Variants in SASH1 observed in about 807,000 individuals in gnomAD.
The protein encoded by SASH1 is SAM and SH3 domain containing 1, also known as SAM and SH3 domain-containing protein 1.
SASH1 carries 44 observed loss-of-function variants against 125.2 expected under a neutral mutation model. The observed-to-expected ratio is 0.35, with a 90% CI of 0.28 to 0.45. The LOEUF (loss-of-function observed/expected upper bound fraction) is 0.45. Among genes scored for constraint, SASH1 ranks in the 20% least tolerant of loss-of-function variants. The pLI is 1.00. For synonymous variants in SASH1, 639 were observed against 649.1 expected (o/e 0.98, Z 0.24); for missense variants, 1,426 against 1,614.5 (o/e 0.88, Z 2.00).
At chr6:148,201,564 C>G in the SASH1 span, among the ~76,000 whole-genome samples, 1 of 152,170 alleles carries the variant, frequency 6.6e-6, no homozygotes, top group African/African-American at 2.4e-5. Flanking sequence ...TACTGCTGAT[C>G]TCGGGGCACA....
chr6:148,346,827 G>A (rs1161829937), intron 1 of SASH1, among the ~76,000 whole-genome samples: 1 of 152,214 alleles, frequency 6.6e-6, no homozygotes, highest in African/African-American at 2.4e-5. Flanking sequence ...ATGTTTATAA[G>A]CCCTGAGCTA....
At chr6:148,376,758 G>A (rs2114767410) in intron 1 of SASH1, among the ~76,000 whole-genome samples, 1 of 152,188 alleles carries the variant, frequency 6.6e-6, no homozygotes, top group South Asian at 2.1e-4. Context: ...CAGCTACTCG[G>A]GAGGCTGCCT....
intron 1 of SASH1, among the ~76,000 whole-genome samples, chr6:148,318,498 A>G (rs1780540438): frequency 1.3e-5 from 2 of 151,864 alleles, no homozygotes. Flanking sequence ...AAACATGGCC[A>G]TAGAACATTG....
intron 1 of SASH1, among the ~76,000 whole-genome samples, chr6:148,281,847 G>A (rs1343359799): frequency 1.1e-4 from 16 of 151,836 alleles, no homozygotes; most frequent in South Asian, 2.1e-4. Flanking sequence ...TGCTTGAACC[G>A]GGAGGTGGAG....
upstream of SASH1, among the ~76,000 whole-genome samples, chr6:148,269,882 G>A (rs936540351): frequency 6.6e-6 from 1 of 152,168 alleles, no homozygotes; most frequent in South Asian, 2.1e-4. Flanking sequence ...TAATTGTGAC[G>A]ATGGTCTTTG....
intron 10 of SASH1, among the ~76,000 whole-genome samples, chr6:148,524,113 A>T (rs1248436820): frequency 9.4e-4 from 58 of 61,806 alleles, no homozygotes; most frequent in African/African-American, 3.1e-3. Context: ...ATATATATAT[A>T]TATATATATT....
Position 148,519,254 on chromosome 6 carries a change from ATTGTGATTATGGC to A in SASH1, c.863-291_863-279del, listed in dbSNP as rs1780650645. Among the ~76,000 whole-genome samples the A allele has an allele frequency of 6.6e-6, 1 of 152,210 alleles. No homozygotes were observed. Among genetic ancestry groups the A allele is most frequent in the Non-Finnish European group, 1.5e-5 (1 of 68,030 alleles). On this transcript the variant is annotated intron_variant, in intron 9 of 19. Transcript: ENST00000367467. This position sits in a 1 kb window ranked among gnomAD's most constrained non-coding sequence, Gnocchi z 4.8. ...GCATTATCTCGAAATGCTAAGGCAT[ATTGTGATTATGGC>A]TAGCTTAGATTTTGCAAACGGCATT...
At chr6:148,435,710 A>G (rs112087005) in intron 2 of SASH1, among the ~76,000 whole-genome samples, 117 of 152,320 alleles carry the variant, frequency 7.7e-4, no homozygotes, top group Non-Finnish European at 1.4e-3. Flanking sequence ...GTAAAATGAG[A>G]TGAACATGAA....
chr6:148,275,044 T>G (rs761355210), intron 1 of SASH1, among the ~76,000 whole-genome samples: 1 of 152,176 alleles, frequency 6.6e-6, no homozygotes, highest in Non-Finnish European at 1.5e-5. Context: ...TTCAGAAGTT[T>G]TGTAAGCCAT....
chr6:148,535,702 A>G (rs895353346), intron 16 of SASH1, among the ~76,000 whole-genome samples: 2 of 152,196 alleles, frequency 1.3e-5, no homozygotes, highest in Non-Finnish European at 2.9e-5. Context: ...ACTCAGTCTT[A>G]TCTTGCTCTG....
chr6:148,273,415 T>C (rs1264424630), intron 1 of SASH1, among the ~76,000 whole-genome samples: 7 of 151,318 alleles, frequency 4.6e-5, no homozygotes, highest in African/African-American at 1.7e-4. Context: ...TGCCTTGGCC[T>C]CCTGAGTAGC....
intron 1 of SASH1, among the ~76,000 whole-genome samples, chr6:148,320,072 T>G (rs1222189547): frequency 1.3e-5 from 2 of 152,210 alleles, no homozygotes; most frequent in African/African-American, 4.8e-5. Context: ...TTGTTCTATT[T>G]TATCGTTAGT....
At chr6:148,261,101 G>A in the SASH1 span, among the ~76,000 whole-genome samples, 8 of 152,010 alleles carry the variant, frequency 5.3e-5, no homozygotes, top group African/African-American at 1.9e-4. Flanking sequence ...CACTGCGCCC[G>A]GCATAAGGGC....
At chr6:148,339,737 G>A (rs940860834), upstream of SASH1, among the ~76,000 whole-genome samples, 1 of 151,820 alleles carries the variant, frequency 6.6e-6, no homozygotes, top group East Asian at 1.9e-4. Context: ...TAGAGATGGG[G>A]TTTTGTCATG....
chr6:148,417,622 C>T (rs1383279757), intron 2 of SASH1, among the ~76,000 whole-genome samples: 1 of 124,308 alleles, frequency 8.0e-6, no homozygotes, highest in Non-Finnish European at 1.8e-5. Flanking sequence ...AGCATGTATC[C>T]CATAGTCAAA....
chr6:148,206,832 A>ACACACACAC, the SASH1 span, among the ~76,000 whole-genome samples: 2 of 84,662 alleles, frequency 2.4e-5, no homozygotes, highest in Non-Finnish European at 4.9e-5. Context: ...CACACACACA[A>ACACACACAC]ATTAACATAA....
intron 1 of SASH1, among the ~76,000 whole-genome samples, chr6:148,329,855 CT>C (rs141056302): frequency 1.3e-5 from 2 of 151,056 alleles, no homozygotes; most frequent in South Asian, 4.2e-4. Flanking sequence ...AGTTTTCTTT[CT>C]TTTTTTTTCA....
intron 2 of SASH1, among the ~76,000 whole-genome samples, chr6:148,421,126 AAAGGAAGGAAGGAAGG>A (rs148595857): frequency 7.3e-5 from 6 of 82,352 alleles, no homozygotes; most frequent in African/African-American, 2.4e-4. Flanking sequence ...AGAAAGGAAG[AAAGGAAGGAAGGAAGG>A]AAGGAAGAAA....
intron 2 of SASH1, among the ~76,000 whole-genome samples, chr6:148,402,437 G>A (rs1360743834): frequency 6.6e-6 from 1 of 151,384 alleles, no homozygotes; most frequent in Non-Finnish European, 1.5e-5. Context: ...AGCCTCCCAA[G>A]TAGCTAGGAT....
Sources: gnomAD v4.1 joint callset for allele counts (sites outside exome capture counted in the v4.1 genomes callset) on GRCh38, gnomAD v4.1.1 for gene constraint, Gnocchi (gnomAD v3.1) non-coding constraint, MANE v1.5 for transcripts, NCBI Gene and HGNC (gene_info 2026-07-23, HGNC 2026-07-21) for gene names.